The following SGCZ variants were observed in gnomAD, a reference collection of about 807,000 sequenced individuals.
The protein encoded by SGCZ is sarcoglycan zeta.
Under a neutral mutation model 41.3 loss-of-function variants are expected in SGCZ, and 40 were observed. The observed-to-expected ratio is 0.97, with a 90% CI of 0.75 to 1.26. SGCZ has a LOEUF of 1.26. Ranked by LOEUF, SGCZ falls within the 50% of genes most tolerant of loss-of-function variation. SGCZ has a pLI of 0.00. For synonymous variants in SGCZ, 206 were observed against 137.5 expected, an observed-to-expected ratio of 1.50 and a Z score of -3.49; for missense variants, 552 against 369.8, an observed-to-expected ratio of 1.49 and a Z score of -4.04.
chr8:15,196,323 G>C (rs1563178306), intron 1 of SGCZ, among the ~76,000 whole-genome samples: 1 of 152,090 alleles, frequency 6.6e-6, no homozygotes, highest in Non-Finnish European at 1.5e-5. Context: ...AACTGGATTT[G>C]ACAATCTCCT....
Position 14,855,115 on chromosome 8 carries a change from C to T in SGCZ, c.40-300189G>A, listed in dbSNP as rs1031449104. Among the ~76,000 whole-genome samples, 62 of 151,882 alleles carry T rather than the reference C, an allele frequency of 4.1e-4. 1 individual carries two copies. The highest frequency in any genetic ancestry group is 1.8e-4 in the Non-Finnish European group (12 of 67,980). ...GTCACCCAACTGGAGTACAGTGGCACAATCTTGGCTCACTGCAACCTCTGC... is the reference window on the plus strand; with the variant it reads ...GTCACCCAACTGGAGTACAGTGGCATAATCTTGGCTCACTGCAACCTCTGC... On this transcript the variant is annotated intron_variant, in intron 1 of 7. Transcript: ENST00000382080.
intron 1 of SGCZ, among the ~76,000 whole-genome samples, chr8:14,776,380 T>C (rs765872048): frequency 5.2e-4 from 79 of 152,156 alleles, no homozygotes; most frequent in Non-Finnish European, 9.8e-4. Context: ...CCTGCCACCA[T>C]GTAAGATGGG....
At chr8:14,608,275 G>C (rs183069081) in intron 1 of SGCZ, among the ~76,000 whole-genome samples, 1 of 147,228 alleles carries the variant, frequency 6.8e-6, no homozygotes, top group Admixed American at 6.8e-5. Flanking sequence ...TTTTTTGTAA[G>C]TGTGGTAAAT....
At chr8:14,286,257 T>A (rs1257178773) in intron 3 of SGCZ, among the ~76,000 whole-genome samples, 1 of 152,124 alleles carries the variant, frequency 6.6e-6, no homozygotes, top group Admixed American at 6.6e-5. Flanking sequence ...TCTAATCATA[T>A]TCCCATTTAA....
intron 2 of SGCZ, among the ~76,000 whole-genome samples, chr8:14,393,467 G>A (rs959266483): frequency 2.6e-5 from 4 of 152,140 alleles, no homozygotes; most frequent in Non-Finnish European, 4.4e-5. Context: ...TACATAATAA[G>A]ATTACGGTGG....
intron 1 of SGCZ, among the ~76,000 whole-genome samples, chr8:15,194,744 T>C (rs2117118861): frequency 6.6e-6 from 1 of 152,218 alleles, no homozygotes; most frequent in East Asian, 1.9e-4. Context: ...CTTTGGAAGT[T>C]AGAACAGGTA....
intron 1 of SGCZ, among the ~76,000 whole-genome samples, chr8:14,655,303 G>GCA (rs1807531827): frequency 6.6e-6 from 1 of 151,896 alleles, no homozygotes; most frequent in East Asian, 1.9e-4. Flanking sequence ...GCTTGTAGAA[G>GCA]GTGTTCATAT....
At chr8:14,750,979 A>G (rs1213772875) in intron 1 of SGCZ, among the ~76,000 whole-genome samples, 1 of 152,192 alleles carries the variant, frequency 6.6e-6, no homozygotes, top group East Asian at 1.9e-4. Context: ...CAATTGAAGC[A>G]TTGTTATGAA....
At chr8:15,177,389 C>G (rs192085749) in intron 1 of SGCZ, among the ~76,000 whole-genome samples, 1 of 151,612 alleles carries the variant, frequency 6.6e-6, no homozygotes, top group Non-Finnish European at 1.5e-5. Flanking sequence ...GGAGCTGAGG[C>G]CTTACCTCAA....
chr8:14,616,325 T>C (rs961422468), intron 1 of SGCZ, among the ~76,000 whole-genome samples: 2 of 151,458 alleles, frequency 1.3e-5, no homozygotes, highest in Non-Finnish European at 2.9e-5. Flanking sequence ...ACTAGACTGA[T>C]GATGCACAGA....
intron 1 of SGCZ, among the ~76,000 whole-genome samples, chr8:14,691,952 T>A (rs1439018031): frequency 6.6e-6 from 1 of 151,996 alleles, no homozygotes; most frequent in Admixed American, 6.6e-5. Flanking sequence ...TTTAGTTTAG[T>A]AAATTTCCAT....
At chr8:14,185,325 C>G (rs955858174) in intron 4 of SGCZ, among the ~76,000 whole-genome samples, 2 of 152,008 alleles carry the variant, frequency 1.3e-5, no homozygotes, top group Non-Finnish European at 2.9e-5. Context: ...ATAGCTTGAA[C>G]CAGGGAGGCG....
At chr8:14,430,987 G>C (rs558058727) in intron 2 of SGCZ, among the ~76,000 whole-genome samples, 7 of 152,248 alleles carry the variant, frequency 4.6e-5, no homozygotes, top group African/African-American at 9.6e-5. Flanking sequence ...ACCTAACCAA[G>C]GAGGTGAAAG....
At chr8:14,448,204 T>C (rs1258266379) in intron 2 of SGCZ, among the ~76,000 whole-genome samples, 3 of 152,192 alleles carry the variant, frequency 2.0e-5, no homozygotes, top group Non-Finnish European at 4.4e-5. Context: ...ATTCAAGGTT[T>C]ACCAACTGCA....
intron 1 of SGCZ, among the ~76,000 whole-genome samples, chr8:15,175,984 C>T (rs994561815): frequency 7.2e-5 from 11 of 152,050 alleles, no homozygotes; most frequent in African/African-American, 2.7e-4. Context: ...CATTAAACAC[C>T]AGGATGAAGA....
chr8:14,716,989 G>A (rs1223422093), intron 1 of SGCZ, among the ~76,000 whole-genome samples: 6 of 151,560 alleles, frequency 4.0e-5, no homozygotes, highest in Non-Finnish European at 8.8e-5. Flanking sequence ...GGATGATAAG[G>A]GACAAAAAAG....
At chr8:14,361,892 G>C (rs1394392460) in intron 2 of SGCZ, among the ~76,000 whole-genome samples, 1 of 152,134 alleles carries the variant, frequency 6.6e-6, no homozygotes, top group Non-Finnish European at 1.5e-5. Context: ...TGTAGATGTT[G>C]ATGCTGTTCC....
intron 3 of SGCZ, among the ~76,000 whole-genome samples, chr8:14,279,172 T>G (rs970625170): frequency 6.6e-6 from 1 of 152,016 alleles, no homozygotes; most frequent in African/African-American, 2.4e-5. Context: ...AGAAGCTCAA[T>G]AGGTCCCTGA....
At chr8:14,773,586 C>G (rs1437567104) in intron 1 of SGCZ, among the ~76,000 whole-genome samples, 1 of 152,202 alleles carries the variant, frequency 6.6e-6, no homozygotes, top group African/African-American at 2.4e-5. Context: ...TGCTGTGACA[C>G]AGTAATTCTT....
Sources: gnomAD v4.1 joint callset for allele counts (sites outside exome capture counted in the v4.1 genomes callset) on GRCh38, gnomAD v4.1.1 for gene constraint, MANE v1.5 for transcripts, NCBI Gene and HGNC (gene_info 2026-07-23, HGNC 2026-07-21) for gene names.